Variants in FAM53A observed in about 807,000 individuals in gnomAD.
The protein encoded by FAM53A is family with sequence similarity 53 member A.
In FAM53A, 28 loss-of-function variants were observed where a neutral mutation model predicts 26.6. That is an observed-to-expected ratio of 1.05 (90% CI 0.78 to 1.45). The LOEUF (loss-of-function observed/expected upper bound fraction) is 1.45. Ranked by LOEUF, FAM53A falls within the 40% of genes most tolerant of loss-of-function variation. The pLI is 0.00. For missense variants in FAM53A, 650 were observed against 575.8 expected (o/e 1.13, Z -1.32); for synonymous variants, 290 against 253.1 (o/e 1.15, Z -1.38).
At chr4:1,673,505 G>A (rs897101185) in intron 1 of FAM53A, among the ~76,000 whole-genome samples, 8 of 152,220 alleles carry the variant, frequency 5.3e-5, no homozygotes, top group Admixed American at 1.3e-4. Flanking sequence ...AGGCCGAGGA[G>A]GGTAGATCAG....
intron 2 of FAM53A, 76 bp from the exon 3 acceptor site, chr4:1,657,544 T>C: frequency 8.2e-7 from 1 of 1,215,164 alleles, no homozygotes; most frequent in Non-Finnish European, 1.2e-6. Context: ...TTTTCATCAC[T>C]GCAGCACGTT....
chr4:1,597,375 C>T, the FAM53A span, among the ~76,000 whole-genome samples: 1 of 152,118 alleles, frequency 6.6e-6, no homozygotes. Flanking sequence ...TGCCCCGTGC[C>T]CCCACGTCTA....
chr4:1,623,462 C>A (rs1464500565), intron 1 of FAM53A, among the ~76,000 whole-genome samples: 6 of 152,054 alleles, frequency 3.9e-5, no homozygotes, highest in Non-Finnish European at 7.3e-5. Flanking sequence ...CCCGGGCTCG[C>A]CAGCGCTTTC....
chr4:1,593,714 G>A, the FAM53A span, among the ~76,000 whole-genome samples: 1 of 152,062 alleles, frequency 6.6e-6, no homozygotes, highest in African/African-American at 2.4e-5. Context: ...GGCTCTAAGT[G>A]GTGGAGTGGC....
downstream of FAM53A, among the ~76,000 whole-genome samples, chr4:1,638,672 G>A (rs182073819): frequency 1.1e-3 from 165 of 152,280 alleles, 2 homozygotes; most frequent in Middle Eastern, 0.024. Context: ...GGGGAGTGTC[G>A]GAGGGGTGGG....
chr4:1,609,288 C>A, the FAM53A span, among the ~76,000 whole-genome samples: 1 of 152,232 alleles, frequency 6.6e-6, no homozygotes. Flanking sequence ...GCCCCTCGGG[C>A]CTCCTTCCAG....
chr4:1,626,224 G>A (rs1715296090), intron 1 of FAM53A, among the ~76,000 whole-genome samples: 1 of 152,190 alleles, frequency 6.6e-6, no homozygotes, highest in Non-Finnish European at 1.5e-5. Context: ...GGAGGTAGGG[G>A]TCAGGCCGGA....
chr4:1,679,618 G>A (rs559686882), intron 1 of FAM53A, among the ~76,000 whole-genome samples: 188 of 148,362 alleles, frequency 1.3e-3, no homozygotes, highest in Non-Finnish European at 1.9e-3. Flanking sequence ...CCCAGGAGGC[G>A]GAGGTTGCAG....
At chr4:1,677,689 G>A (rs1715136490) in intron 1 of FAM53A, among the ~76,000 whole-genome samples, 1 of 152,172 alleles carries the variant, frequency 6.6e-6, no homozygotes, top group African/African-American at 2.4e-5. Flanking sequence ...CTGTCTCACT[G>A]CAGAGGGATA....
the FAM53A span, among the ~76,000 whole-genome samples, chr4:1,576,038 G>T: frequency 6.6e-6 from 1 of 152,168 alleles, no homozygotes; most frequent in Non-Finnish European, 1.5e-5. Context: ...TCTGCAGCTG[G>T]GCCTATGCGG....
Position 1,657,401 on chromosome 4 carries a change from T to A in FAM53A, c.136+7A>T. 6.2e-7 allele frequency: 1 copy of A among 1,611,686 alleles called. No individual in the cohort carries two copies. The highest frequency in any genetic ancestry group is 1.3e-5 in the African/African-American group (1 of 74,982). On this transcript the variant is annotated splice_region_variant and intron_variant, in intron 3 of 4. Coordinates refer to ENST00000308132, the MANE Select transcript of FAM53A (RefSeq NM_001174070.3). The stretch of plus-strand genomic sequence containing the variant: ...AGGCCTCCGGCCACAGCTCCTAAAG[T>A]GCTCACCGTTGAGCTCCAAAGGGAA...
chr4:1,616,438 C>T (rs552047034), downstream of FAM53A, among the ~76,000 whole-genome samples: 10 of 142,534 alleles, frequency 7.0e-5, no homozygotes, highest in African/African-American at 1.5e-4. Context: ...GCCATGATTG[C>T]GCCACTGCAC....
At chr4:1,578,423 C>G in the FAM53A span, among the ~76,000 whole-genome samples, 1 of 77,800 alleles carries the variant, frequency 1.3e-5, no homozygotes. Flanking sequence ...GCGCTAGTGC[C>G]CGCACCCGGT....
the FAM53A span, among the ~76,000 whole-genome samples, chr4:1,606,625 C>T: frequency 1.3e-5 from 2 of 152,340 alleles, no homozygotes; most frequent in Non-Finnish European, 2.9e-5. Context: ...GGTCCTCTGA[C>T]GATGGCTCGT....
chr4:1,684,197 G>A (rs896695340), intron 1 of FAM53A, 36 bp downstream of exon 1: 3 of 151,642 alleles, frequency 2.0e-5, no homozygotes, highest in Non-Finnish European at 2.9e-5. Context: ...GACAAGAGAG[G>A]AGGGGGCGGC....
chr4:1,637,403 G>T (rs7691483), downstream of FAM53A, among the ~76,000 whole-genome samples: 9,827 of 152,236 alleles, frequency 0.065, 397 homozygotes, highest in Middle Eastern at 0.16. Context: ...GAACGGTTGG[G>T]GGTGAGGCCA....
At chr4:1,594,263 T>C in the FAM53A span, among the ~76,000 whole-genome samples, 1 of 152,192 alleles carries the variant, frequency 6.6e-6, no homozygotes, top group Non-Finnish European at 1.5e-5. Flanking sequence ...GGTCACCAGG[T>C]CAGGGCTCAG....
rs1275304987 is a variant in FAM53A, at chr4:1,640,442, G to A, written c.*851C>T. 3.5e-6 allele frequency: 1 copy of A among 286,026 alleles called. No individual in the cohort carries two copies. The highest frequency in any genetic ancestry group is 2.4e-5 in the African/African-American group (1 of 42,338). The allele number at this position is 286,026 out of a possible 1,614,324, so 17.7% of individuals were successfully genotyped here. A position where few individuals can be genotyped will look rare whatever the true frequency, so the allele number is the denominator to read the frequency against. ...GCCCTGCACAGCAGGCCTTTCGTGG[G>A]GAACACAGACGCATGTTAATCTGTT... On this transcript the variant is annotated 3_prime_UTR_variant, in exon 5 of 5. Transcript: ENST00000308132.
intron 4 of FAM53A, among the ~76,000 whole-genome samples, chr4:1,643,567 A>ATTTT (rs71167742): frequency 2.1e-5 from 3 of 140,632 alleles, no homozygotes; most frequent in Admixed American, 7.1e-5. Flanking sequence ...CTAAAGAATA[A>ATTTT]TTTTTTTTTT....
Sources: allele counts gnomAD v4.1 joint callset (sites outside exome capture counted in the v4.1 genomes callset), GRCh38; gene constraint gnomAD v4.1.1; transcripts MANE v1.5; gene names NCBI Gene and HGNC (gene_info 2026-07-23, HGNC 2026-07-21).